SSH2: variants seen among roughly 807,000 people sequenced by gnomAD.
SSH2 encodes the protein slingshot protein phosphatase 2.
SSH2 carries 37 observed loss-of-function variants against 135.2 expected under a neutral mutation model. The ratio of observed to expected loss-of-function variants is 0.27; its 90% CI spans 0.21 to 0.36. The LOEUF (loss-of-function observed/expected upper bound fraction) is 0.36. SSH2 is among the 10% of genes least tolerant of loss of function. SSH2 has a pLI of 1.00. For synonymous variants in SSH2, 628 were observed against 646.2 expected (o/e 0.97, Z 0.43); for missense variants, 1,408 against 1,765.3 (o/e 0.80, Z 3.63).
At position 29,920,344 on chromosome 17, in the gene SSH2, C is replaced by A. The variant is rs574906602; in HGVS notation, c.63+9594G>T. 9.2e-5 allele frequency among the ~76,000 whole-genome samples: 14 copies of A among 152,310 alleles called. No homozygotes were observed. The East Asian group carries it at 2.5e-3, about 27-fold the overall frequency. On this transcript the variant is annotated intron_variant, in intron 1 of 15. Transcript: ENST00000540801. ...AAACCTGAAGATACTTTTTGAGGAC[C>A]AAAGGCCTTCTCTTTTTCTGGGCTT...
chr17:29,820,274 T>C (rs1001082854), intron 2 of SSH2, among the ~76,000 whole-genome samples: 4 of 152,242 alleles, frequency 2.6e-5, no homozygotes, highest in Admixed American at 2.6e-4. Flanking sequence ...ACCTAATTTT[T>C]GTTTCATACT....
At chr17:29,871,877 A>G (rs1187775433) in intron 1 of SSH2, among the ~76,000 whole-genome samples, 1 of 152,228 alleles carries the variant, frequency 6.6e-6, no homozygotes. Flanking sequence ...AGAGAGGTGT[A>G]TAAATATTTA....
intron 3 of SSH2, among the ~76,000 whole-genome samples, chr17:29,771,201 G>A (rs2127001): frequency 1.3e-5 from 2 of 151,892 alleles, no homozygotes; most frequent in African/African-American, 4.8e-5. Flanking sequence ...CTATTTTGTG[G>A]CACATAATGC....
chr17:29,913,347 A>AAATTAT lies in SSH2; in HGVS notation c.63+16590_63+16591insATAATT. On this transcript the variant is annotated intron_variant, in intron 1 of 15. Transcript: ENST00000540801. ...AAAAAAAAAAAAAAAAAAAAAAAAA[A>AAATTAT]ATATATATATATATATATATATATA... 2.8e-4 allele frequency among the ~76,000 whole-genome samples: 8 copies of AAATTAT among 28,786 alleles called. 2 individuals carry two copies. In the East Asian group the frequency reaches 8.9e-3, roughly 32 times the overall value. 18.9% of individuals were successfully genotyped at this position (28,786 alleles called of 152,430 possible).
At chr17:29,790,343 C>G (rs921404945) in intron 3 of SSH2, among the ~76,000 whole-genome samples, 2 of 152,152 alleles carry the variant, frequency 1.3e-5, no homozygotes, top group African/African-American at 2.4e-5. Context: ...AGTAAGAACA[C>G]TGAGAGAAGG....
chr17:29,815,863 C>CG (rs930874156), intron 2 of SSH2, among the ~76,000 whole-genome samples: 2 of 151,336 alleles, frequency 1.3e-5, no homozygotes, highest in African/African-American at 2.4e-5. Flanking sequence ...TTTTCTGGGG[C>CG]GGGGGGATAG....
chr17:29,902,758 A>T (rs1275506417), intron 1 of SSH2, among the ~76,000 whole-genome samples: 3 of 151,966 alleles, frequency 2.0e-5, no homozygotes, highest in African/African-American at 7.3e-5. Context: ...TAGCTCAGAA[A>T]TTTTTTAAAA....
intron 3 of SSH2, among the ~76,000 whole-genome samples, chr17:29,730,182 T>C (rs2040131856): frequency 6.6e-6 from 1 of 151,240 alleles, no homozygotes; most frequent in Admixed American, 6.6e-5. Flanking sequence ...ATTAGTTGAG[T>C]GTGGTTGCAC....
chr17:29,724,793 TTGC>T (rs2039944943), intron 3 of SSH2, among the ~76,000 whole-genome samples: 1 of 151,000 alleles, frequency 6.6e-6, no homozygotes, highest in Non-Finnish European at 1.5e-5. Context: ...TTTCACCATG[TTGC>T]CCAGGCTGGT....
At chr17:29,862,832 A>C (rs1363874474) in intron 1 of SSH2, among the ~76,000 whole-genome samples, 3 of 152,198 alleles carry the variant, frequency 2.0e-5, no homozygotes, top group Non-Finnish European at 4.4e-5. Context: ...GCCCTTTAGA[A>C]GGAACACATC....
chr17:29,731,136 T>C (rs1567924814), intron 3 of SSH2, among the ~76,000 whole-genome samples: 1 of 152,140 alleles, frequency 6.6e-6, no homozygotes, highest in Non-Finnish European at 1.5e-5. Context: ...TCCATTCACA[T>C]GAGATAAGGG....
intron 5 of SSH2, among the ~76,000 whole-genome samples, chr17:29,695,063 T>C (rs2038670965): frequency 6.6e-6 from 1 of 152,136 alleles, no homozygotes; most frequent in South Asian, 2.1e-4. Context: ...CCAGCATCAA[T>C]CTTTGGCCAT....
intron 3 of SSH2, among the ~76,000 whole-genome samples, chr17:29,708,909 G>A (rs2039320233): frequency 6.7e-6 from 1 of 149,958 alleles, no homozygotes; most frequent in African/African-American, 2.4e-5. Flanking sequence ...AAGTTCTCCA[G>A]AGTCTTTATA....
intron 3 of SSH2, among the ~76,000 whole-genome samples, chr17:29,757,041 G>A (rs964108682): frequency 1.3e-5 from 2 of 152,180 alleles, no homozygotes; most frequent in Non-Finnish European, 2.9e-5. Context: ...TCTCAGCAGT[G>A]ACGAGAGAAC....
chr17:29,893,180 C>G (rs1198973785), intron 1 of SSH2, among the ~76,000 whole-genome samples: 1 of 151,954 alleles, frequency 6.6e-6, no homozygotes, highest in East Asian at 1.9e-4. Flanking sequence ...CAACAGTGCA[C>G]ACTTCCTTCC....
chr17:29,891,768 T>A (rs1021663083), intron 1 of SSH2, among the ~76,000 whole-genome samples: 2 of 152,158 alleles, frequency 1.3e-5, no homozygotes, highest in Non-Finnish European at 2.9e-5. Context: ...AGTGACCCAC[T>A]ATAAATCAAA....
intron 1 of SSH2, among the ~76,000 whole-genome samples, chr17:29,928,128 T>G (rs2067101759): frequency 6.6e-6 from 1 of 152,228 alleles, no homozygotes; most frequent in South Asian, 2.1e-4. Flanking sequence ...TGATTTCTAG[T>G]TTATTTGCAT....
At chr17:29,778,983 T>G (rs1191159744) in intron 3 of SSH2, among the ~76,000 whole-genome samples, 1 of 152,018 alleles carries the variant, frequency 6.6e-6, no homozygotes, top group Non-Finnish European at 1.5e-5. Flanking sequence ...TTGGCAAAAT[T>G]AAGAATCAAA....
chr17:29,849,364 A>G (rs1313351630), intron 1 of SSH2, among the ~76,000 whole-genome samples: 1 of 151,830 alleles, frequency 6.6e-6, no homozygotes, highest in Non-Finnish European at 1.5e-5. Flanking sequence ...CTGTAGTCCC[A>G]GCTACTCGGG....
Sources: gnomAD v4.1 joint callset for allele counts (sites outside exome capture counted in the v4.1 genomes callset) on GRCh38, gnomAD v4.1.1 for gene constraint, MANE v1.5 for transcripts, NCBI Gene and HGNC (gene_info 2026-07-23, HGNC 2026-07-21) for gene names.